The following CNKSR2 variants were observed in gnomAD, a reference collection of about 807,000 sequenced individuals.
CNKSR2 encodes connector enhancer of kinase suppressor of Ras 2, also known as CNK homolog protein 2.
CNKSR2 carries 14 observed loss-of-function variants against 84.4 expected under a neutral mutation model. The ratio of observed to expected loss-of-function variants is 0.17; its 90% CI spans 0.11 to 0.26. CNKSR2 has a LOEUF of 0.26. Ranked by LOEUF, CNKSR2 falls within the 10% of genes least tolerant of loss-of-function variation. CNKSR2 has a pLI of 1.00. For missense variants in CNKSR2, 485 were observed against 771.2 expected (o/e 0.63, Z 4.40); for synonymous variants, 275 against 277.9 (o/e 0.99, Z 0.10).
chrX:21,601,191 A>G lies in CNKSR2; in HGVS notation c.1977-91A>G, dbSNP rs2147268522. The G allele has an allele frequency of 7.7e-6, 4 of 518,134 alleles. No homozygotes were observed. The East Asian group carries it at 1.5e-4, about 20-fold the overall frequency. The allele number at this position is 518,134 out of a possible 1,213,427, so 42.7% of individuals were successfully genotyped here. A position where few individuals can be genotyped will look rare whatever the true frequency, so the allele number is the denominator to read the frequency against. ...TCTTATATGTAGGATTATTCCGTAT[A>G]TTCTTAGACATTTTAAAATAAATGT... On this transcript the variant is annotated intron_variant, in intron 17 of 21. Transcript: ENST00000379510.
intron 1 of CNKSR2, among the ~76,000 whole-genome samples, chrX:21,385,343 G>GGTATAC (rs1395597705): frequency 9.0e-6 from 1 of 111,524 alleles, no homozygotes; most frequent in Non-Finnish European, 1.9e-5. Flanking sequence ...TTTCTGTTGT[G>GGTATAC]GTATACTTAA....
intron 20 of CNKSR2, chrX:21,637,420 T>G (rs757352053): frequency 8.9e-6 from 1 of 112,086 alleles, no homozygotes; most frequent in South Asian, 3.7e-4. Context: ...GTGCTGTAAG[T>G]ATAAACACAA....
intron 13 of CNKSR2, among the ~76,000 whole-genome samples, chrX:21,587,585 C>G (rs1450670166): frequency 1.8e-5 from 2 of 111,318 alleles, no homozygotes; most frequent in Non-Finnish European, 3.8e-5. Flanking sequence ...AATCTTAAAA[C>G]TGGAAAAAAT....
intron 5 of CNKSR2, among the ~76,000 whole-genome samples, chrX:21,480,725 C>CGAA (rs1221121632): frequency 8.9e-6 from 1 of 111,756 alleles, no homozygotes; most frequent in Non-Finnish European, 1.9e-5. Flanking sequence ...AAAGTAGGCT[C>CGAA]GAAGTGTCAT....
chrX:21,546,049 G>T (rs1235459898), intron 11 of CNKSR2, among the ~76,000 whole-genome samples: 1 of 110,707 alleles, frequency 9.0e-6, no homozygotes, highest in African/African-American at 3.3e-5. Context: ...ACCAGCAAGG[G>T]AACAAAACTG....
intron 3 of CNKSR2, among the ~76,000 whole-genome samples, chrX:21,437,692 A>T (rs1290753928): frequency 9.0e-6 from 1 of 110,515 alleles, no homozygotes; most frequent in East Asian, 2.8e-4. Flanking sequence ...TAATTTTTTT[A>T]AATTAATGAT....
At chrX:21,594,319 G>T (rs1487564413) in intron 15 of CNKSR2, 1 of 111,007 alleles carries the variant, frequency 9.0e-6, no homozygotes, top group Non-Finnish European at 1.9e-5. Context: ...GCCTACTTGA[G>T]TAGGGTGGAT....
intron 4 of CNKSR2, among the ~76,000 whole-genome samples, chrX:21,448,049 T>C (rs1454083818): frequency 9.0e-6 from 1 of 111,224 alleles, no homozygotes; most frequent in Non-Finnish European, 1.9e-5. Flanking sequence ...TGCATGTAAT[T>C]AAGAACAGTG....
chrX:21,480,828 T>G (rs1325022909), intron 5 of CNKSR2, among the ~76,000 whole-genome samples: 1 of 112,196 alleles, frequency 8.9e-6, no homozygotes, highest in Non-Finnish European at 1.9e-5. Context: ...ATGATTATTA[T>G]CTTAAAGTGT....
intron 11 of CNKSR2, among the ~76,000 whole-genome samples, chrX:21,540,248 T>C (rs1302335133): frequency 9.0e-6 from 1 of 111,592 alleles, no homozygotes; most frequent in Non-Finnish European, 1.9e-5. Flanking sequence ...AAATGATGAA[T>C]AGCGATTTCA....
At chrX:21,455,495 A>G (rs1332462866) in intron 4 of CNKSR2, among the ~76,000 whole-genome samples, 2 of 112,254 alleles carry the variant, frequency 1.8e-5, no homozygotes, top group Non-Finnish European at 3.8e-5. Flanking sequence ...TGAAACTTTT[A>G]TACCCAAAGC....
Position 21,536,981 on chromosome X carries a change from C to A in CNKSR2, c.1303+4914C>A, listed in dbSNP as rs188931312. Among the ~76,000 whole-genome samples, 131 of 109,460 alleles carry A rather than the reference C, an allele frequency of 1.2e-3. No individual in the cohort carries two copies. In the Middle Eastern group the frequency reaches 0.028, roughly 23 times the overall value. On this transcript the variant is annotated intron_variant, in intron 11 of 21. Coordinates refer to ENST00000379510, the MANE Select transcript of CNKSR2 (RefSeq NM_014927.5). ...CAATGTTGGAGTGTTTATTTGAAAT[C>A]TTTCTGCTTTTTTGATGTAGGCATT...
intron 1 of CNKSR2, among the ~76,000 whole-genome samples, chrX:21,392,574 AG>A (rs1217053313): frequency 1.8e-5 from 2 of 111,333 alleles, no homozygotes; most frequent in African/African-American, 6.5e-5. Flanking sequence ...AAGAACAGCA[AG>A]GGGGAAATCT....
intron 3 of CNKSR2, among the ~76,000 whole-genome samples, chrX:21,438,704 G>A (rs2090742845): frequency 9.0e-6 from 1 of 111,041 alleles, no homozygotes; most frequent in South Asian, 3.7e-4. Context: ...AAAGAAAAAC[G>A]TAATAAAGTA....
intron 4 of CNKSR2, chrX:21,468,517 C>T (rs1191458327): frequency 9.0e-6 from 1 of 110,672 alleles, no homozygotes; most frequent in Non-Finnish European, 1.9e-5. Flanking sequence ...ACAGATTACT[C>T]CTAGTAGTCT....
intron 20 of CNKSR2, chrX:21,643,674 C>T (rs1328764296): frequency 9.0e-6 from 1 of 111,160 alleles, no homozygotes; most frequent in Non-Finnish European, 1.9e-5. Flanking sequence ...AAATTATTTC[C>T]CAATAGTAAT....
chrX:21,527,958 CATT>C (rs1440053368), intron 10 of CNKSR2, among the ~76,000 whole-genome samples: 1 of 110,575 alleles, frequency 9.0e-6, no homozygotes, highest in Non-Finnish European at 1.9e-5. Flanking sequence ...GGTTTACTGA[CATT>C]ATGTGATCTA....
chrX:21,483,615 TAA>T (rs1491362567), intron 5 of CNKSR2, among the ~76,000 whole-genome samples: 2 of 102,622 alleles, frequency 1.9e-5, no homozygotes, highest in African/African-American at 7.4e-5. Flanking sequence ...TATATATATA[TAA>T]AAGAAATTCT....
intron 18 of CNKSR2, among the ~76,000 whole-genome samples, chrX:21,603,655 G>A (rs1181436359): frequency 8.9e-6 from 1 of 112,441 alleles, no homozygotes; most frequent in Non-Finnish European, 1.9e-5. Flanking sequence ...AGAGAAAACA[G>A]AGTTACACTT....
Sources: allele counts gnomAD v4.1 joint callset (sites outside exome capture counted in the v4.1 genomes callset), GRCh38; gene constraint gnomAD v4.1.1; transcripts MANE v1.5; gene names NCBI Gene and HGNC (gene_info 2026-07-23, HGNC 2026-07-21).